TEAD1: variants seen among roughly 807,000 people sequenced by gnomAD.
The protein encoded by TEAD1 is transcriptional enhancer factor TEF-1.
A neutral mutation model predicts 54.9 loss-of-function variants in TEAD1; 9 were observed. The ratio of observed to expected loss-of-function variants is 0.16; its 90% CI spans 0.10 to 0.29. The LOEUF is 0.29. Ranked by LOEUF, TEAD1 falls within the 10% of genes least tolerant of loss-of-function variation. The probability of loss-of-function intolerance (pLI) is 1.00; values close to 1 mark genes in which losing one functional copy is unlikely to be tolerated. For missense variants in TEAD1, 387 were observed against 535.9 expected, an observed-to-expected ratio of 0.72 and a Z score of 2.74; for synonymous variants, 200 against 187.8, an observed-to-expected ratio of 1.07 and a Z score of -0.53.
At chr11:12,910,731 A>ATAGT (rs1948601233) in intron 10 of TEAD1, among the ~76,000 whole-genome samples, 1 of 148,626 alleles carries the variant, frequency 6.7e-6, no homozygotes, top group Non-Finnish European at 1.5e-5. Flanking sequence ...TACTGTCTAC[A>ATAGT]TAGTTACTTA....
intron 9 of TEAD1, among the ~76,000 whole-genome samples, chr11:12,888,062 GC>G (rs1948126408): frequency 6.6e-6 from 1 of 152,230 alleles, no homozygotes; most frequent in South Asian, 2.1e-4. Context: ...CAGGTTCCAT[GC>G]TATTTGTCAT....
intron 5 of TEAD1, among the ~76,000 whole-genome samples, chr11:12,870,329 C>A (rs567612365): frequency 6.6e-6 from 1 of 151,986 alleles, no homozygotes; most frequent in Non-Finnish European, 1.5e-5. Context: ...AGGAGAGATA[C>A]GAGGTTCAGG....
chr11:12,875,814 C>T (rs1188421266), intron 5 of TEAD1, among the ~76,000 whole-genome samples: 4 of 152,208 alleles, frequency 2.6e-5, no homozygotes, highest in Non-Finnish European at 5.9e-5. Context: ...GCTGTCTTCT[C>T]ACTAGTAGTT....
At chr11:12,795,857 CAAAT>C (rs1945907222) in intron 3 of TEAD1, among the ~76,000 whole-genome samples, 2 of 152,152 alleles carry the variant, frequency 1.3e-5, no homozygotes, top group African/African-American at 2.4e-5. Flanking sequence ...AGACAAAACA[CAAAT>C]AACAGTGATG....
At chr11:12,796,290 G>A (rs547448838) in intron 3 of TEAD1, among the ~76,000 whole-genome samples, 3 of 152,290 alleles carry the variant, frequency 2.0e-5, no homozygotes, top group Admixed American at 2.0e-4. Flanking sequence ...GTCAGTGCTT[G>A]TTGAATTAAA....
At chr11:12,681,482 T>C (rs1943220265) in intron 2 of TEAD1, among the ~76,000 whole-genome samples, 1 of 152,216 alleles carries the variant, frequency 6.6e-6, no homozygotes, top group Non-Finnish European at 1.5e-5. Context: ...CCTTCATGCT[T>C]AGAACTTGTG....
intron 9 of TEAD1, among the ~76,000 whole-genome samples, chr11:12,884,608 A>G (rs1948047992): frequency 6.6e-6 from 1 of 152,196 alleles, no homozygotes. Flanking sequence ...TGGCCCACTC[A>G]TGTCTTTGTC....
At chr11:12,747,041 T>A (rs547176463) in intron 2 of TEAD1, among the ~76,000 whole-genome samples, 1 of 152,350 alleles carries the variant, frequency 6.6e-6, no homozygotes, top group Non-Finnish European at 1.5e-5. Flanking sequence ...TGAGGAAGGT[T>A]TTGAGGCCAG....
intron 10 of TEAD1, chr11:12,922,336 A>G (rs1345856588): frequency 1.9e-5 from 2 of 106,142 alleles, no homozygotes; most frequent in Admixed American, 9.5e-5. Context: ...AGCTGGGACT[A>G]CAGGCGCCCG....
In TEAD1 at chr11:12,674,511, C is replaced by G. The variant is rs1402618911; in HGVS notation, c.-531C>G. On this transcript the variant is annotated 5_prime_UTR_variant, in exon 1 of 13. Coordinates refer to ENST00000527636, the MANE Select transcript of TEAD1 (RefSeq NM_021961.6). Reference sequence around the variant, plus strand: ...GCCGCCGCCGCGGCCCCGCCGCCCGCCGCGGGCGCCCACCAAGCACTTTGC... The same window carrying G: ...GCCGCCGCCGCGGCCCCGCCGCCCGGCGCGGGCGCCCACCAAGCACTTTGC... The G allele has an allele frequency of 6.6e-6, 1 of 151,398 alleles. No homozygotes were observed. Among genetic ancestry groups the G allele is most frequent in the Non-Finnish European group, 1.5e-5 (1 of 68,112 alleles). The allele number at this position is 151,398 out of a possible 1,614,324, so 9.4% of individuals were successfully genotyped here. A position where few individuals can be genotyped will look rare whatever the true frequency, so the allele number is the denominator to read the frequency against.
rs186376926 is a variant in TEAD1, at chr11:12,919,196, A to C, written c.874-5716A>C. 5.3e-5 allele frequency among the ~76,000 whole-genome samples: 8 copies of C among 152,310 alleles called. No individual in the cohort carries two copies. In the East Asian group the frequency reaches 1.5e-3, roughly 29 times the overall value. On this transcript the variant is annotated intron_variant, in intron 10 of 12. Transcript: ENST00000527636. ...TCTGAGGGTAGGTTGGGTATTCTTT[A>C]ATAACTTTGTTTTGAATAATTCTAT...
At chr11:12,858,819 G>A (rs1390818783) in intron 3 of TEAD1, among the ~76,000 whole-genome samples, 2 of 152,198 alleles carry the variant, frequency 1.3e-5, no homozygotes, top group African/African-American at 4.8e-5. Flanking sequence ...GATACGTTCT[G>A]AGAAATACGT....
At position 12,873,895 on chromosome 11, in the gene TEAD1, A is replaced by G. The variant is rs1947804003; in HGVS notation, c.331-5813A>G. ...ATTTTGTGTTTTGTCTTTTTCTGAAAAAGTGATTGTGCAAGCAAATTGCTG... is the reference window on the plus strand; with the variant it reads ...ATTTTGTGTTTTGTCTTTTTCTGAAGAAGTGATTGTGCAAGCAAATTGCTG... On this transcript the variant is annotated intron_variant, in intron 5 of 12. Coordinates refer to ENST00000527636, the MANE Select transcript of TEAD1 (RefSeq NM_021961.6). Among the ~76,000 whole-genome samples, 3 of 152,232 alleles carry G rather than the reference A, an allele frequency of 2.0e-5. No individual in the cohort carries two copies. In the South Asian group the frequency reaches 6.2e-4, roughly 31 times the overall value.
chr11:12,861,253 T>C (rs2134066103), intron 3 of TEAD1, among the ~76,000 whole-genome samples: 1 of 152,368 alleles, frequency 6.6e-6, no homozygotes, highest in Middle Eastern at 3.4e-3. Context: ...GGGATATTTT[T>C]TCCTATCATG....
chr11:12,676,126 T>C (rs1217496362), intron 2 of TEAD1, among the ~76,000 whole-genome samples: 1 of 152,174 alleles, frequency 6.6e-6, no homozygotes, highest in Non-Finnish European at 1.5e-5. Context: ...GATAGAAAGG[T>C]CTGTTAAGCC....
chr11:12,896,450 G>A (rs1948317744), intron 9 of TEAD1, among the ~76,000 whole-genome samples: 1 of 152,150 alleles, frequency 6.6e-6, no homozygotes, highest in Non-Finnish European at 1.5e-5. Context: ...AGGAAGGTCA[G>A]TTTTCTGATA....
chr11:12,735,014 G>A (rs1424325543), intron 2 of TEAD1, among the ~76,000 whole-genome samples: 1 of 152,134 alleles, frequency 6.6e-6, no homozygotes, highest in African/African-American at 2.4e-5. Flanking sequence ...TTGATCAAGT[G>A]TTACTAAGCT....
At chr11:12,753,727 G>T (rs1037542975) in intron 2 of TEAD1, among the ~76,000 whole-genome samples, 1 of 152,104 alleles carries the variant, frequency 6.6e-6, no homozygotes, top group Non-Finnish European at 1.5e-5. Flanking sequence ...TCAAGAAAGC[G>T]AGTTCTGAGT....
intron 3 of TEAD1, among the ~76,000 whole-genome samples, chr11:12,837,781 CTTCTTCCTTCT>C (rs1490898237): frequency 2.8e-5 from 4 of 145,192 alleles, no homozygotes; most frequent in African/African-American, 7.7e-5. Flanking sequence ...TTCTCTTCCT[CTTCTTCCTTCT>C]TTCTTCCTTC....
Sources: gnomAD v4.1 joint callset for allele counts (sites outside exome capture counted in the v4.1 genomes callset) on GRCh38, gnomAD v4.1.1 for gene constraint, MANE v1.5 for transcripts, NCBI Gene and HGNC (gene_info 2026-07-23, HGNC 2026-07-21) for gene names.